The following PCSK2 variants were observed in gnomAD, a reference collection of about 807,000 sequenced individuals.
PCSK2 encodes proprotein convertase subtilisin/kexin type 2.
Under a neutral mutation model 69.7 loss-of-function variants are expected in PCSK2, and 14 were observed. The observed-to-expected ratio is 0.20, with a 90% CI of 0.13 to 0.31. The LOEUF (loss-of-function observed/expected upper bound fraction) is 0.31, where lower values mean the gene tolerates loss of function less well. PCSK2 is among the 10% of genes least tolerant of loss of function. PCSK2 has a pLI of 1.00. For synonymous variants in PCSK2, 307 were observed against 320.7 expected, an observed-to-expected ratio of 0.96 and a Z score of 0.46; for missense variants, 544 against 842.5, an observed-to-expected ratio of 0.65 and a Z score of 4.39.
intron 2 of PCSK2, among the ~76,000 whole-genome samples, chr20:17,270,826 C>T (rs1250305231): frequency 6.6e-6 from 1 of 152,028 alleles, no homozygotes; most frequent in Non-Finnish European, 1.5e-5. Context: ...TGATAGAGTC[C>T]AATTTGAGGT....
intron 1 of PCSK2, among the ~76,000 whole-genome samples, chr20:17,251,787 T>C (rs1986990561): frequency 6.6e-6 from 1 of 152,162 alleles, no homozygotes; most frequent in Non-Finnish European, 1.5e-5. Context: ...ACAGTGGAAA[T>C]GGCTTGTCTG....
intron 1 of PCSK2, among the ~76,000 whole-genome samples, chr20:17,255,446 A>G (rs1471183551): frequency 6.6e-6 from 1 of 151,226 alleles, no homozygotes; most frequent in African/African-American, 2.4e-5. Context: ...GGTTCATGCC[A>G]TTCTCCTGCC....
intron 6 of PCSK2, among the ~76,000 whole-genome samples, chr20:17,420,920 C>T (rs1014720829): frequency 1.3e-5 from 2 of 152,188 alleles, no homozygotes; most frequent in Non-Finnish European, 2.9e-5. Context: ...CCCTAACCGA[C>T]AACCAATAGA....
intron 6 of PCSK2, among the ~76,000 whole-genome samples, chr20:17,427,063 C>T (rs895794675): frequency 1.3e-5 from 2 of 152,172 alleles, no homozygotes; most frequent in African/African-American, 4.8e-5. Flanking sequence ...AATTCTTGTC[C>T]TGCCTCCTAT....
intron 5 of PCSK2, among the ~76,000 whole-genome samples, chr20:17,373,941 G>A (rs936054471): frequency 1.3e-5 from 2 of 152,144 alleles, no homozygotes; most frequent in Non-Finnish European, 1.5e-5. Flanking sequence ...GAATTTCATC[G>A]GAGGGATCCA....
chr20:17,333,074 G>T (rs1990245583), intron 2 of PCSK2, among the ~76,000 whole-genome samples: 1 of 151,994 alleles, frequency 6.6e-6, no homozygotes, highest in Non-Finnish European at 1.5e-5. Flanking sequence ...ATTTCCCAAT[G>T]TTCACAACTG....
At chr20:17,282,177 G>A (rs1475062512) in intron 2 of PCSK2, among the ~76,000 whole-genome samples, 1 of 151,982 alleles carries the variant, frequency 6.6e-6, no homozygotes, top group Non-Finnish European at 1.5e-5. Flanking sequence ...ATGGATTTAT[G>A]TTTATATAGC....
intron 3 of PCSK2, among the ~76,000 whole-genome samples, chr20:17,358,942 A>G (rs900797776): frequency 6.6e-6 from 1 of 152,198 alleles, no homozygotes; most frequent in Non-Finnish European, 1.5e-5. Context: ...AATCAATTCC[A>G]TGGGGCTTAA....
At chr20:17,446,220 C>T (rs1452551797) in intron 8 of PCSK2, among the ~76,000 whole-genome samples, 2 of 152,136 alleles carry the variant, frequency 1.3e-5, no homozygotes, top group African/African-American at 2.4e-5. Context: ...GGTGGTTACA[C>T]GAAAACCAGA....
At position 17,234,427 on chromosome 20, in the gene PCSK2, T is replaced by G. The variant is rs1986256799; in HGVS notation, c.177+6945T>G. Among the ~76,000 whole-genome samples the G allele has an allele frequency of 2.0e-5, 3 of 152,290 alleles. No homozygotes were observed. In the South Asian group the frequency reaches 6.2e-4, roughly 32 times the overall value. Reference sequence around the variant, plus strand: ...CTCAGGTTGAAGGTGCTGGAAAAACTATTTTTTAAGAAACTGTTCCTGTAG... The same window carrying G: ...CTCAGGTTGAAGGTGCTGGAAAAACGATTTTTTAAGAAACTGTTCCTGTAG... On this transcript the variant is annotated intron_variant, in intron 1 of 11. Transcript: ENST00000262545.
intron 1 of PCSK2, among the ~76,000 whole-genome samples, chr20:17,236,126 G>A (rs1171208530): frequency 6.6e-6 from 1 of 152,042 alleles, no homozygotes; most frequent in Non-Finnish European, 1.5e-5. Flanking sequence ...TATGTATAGA[G>A]AGAAGAGAGA....
intron 11 of PCSK2, among the ~76,000 whole-genome samples, chr20:17,480,668 A>T (rs1460137365): frequency 6.6e-6 from 1 of 152,228 alleles, no homozygotes; most frequent in Non-Finnish European, 1.5e-5. Flanking sequence ...CCCAGGTAAC[A>T]CAAGTGAGGA....
chr20:17,455,383 G>A (rs2032901184), intron 9 of PCSK2, among the ~76,000 whole-genome samples: 2 of 152,088 alleles, frequency 1.3e-5, no homozygotes, highest in African/African-American at 4.8e-5. Flanking sequence ...TGAAAATGAG[G>A]TTTTTCACTT....
At chr20:17,401,394 T>A (rs941458237) in intron 5 of PCSK2, among the ~76,000 whole-genome samples, 1 of 152,100 alleles carries the variant, frequency 6.6e-6, no homozygotes, top group Admixed American at 6.5e-5. Flanking sequence ...ATAGTGGAAA[T>A]GTTAAACAGG....
At chr20:17,480,184 C>CTTTTT (rs1164266992) in intron 11 of PCSK2, among the ~76,000 whole-genome samples, 840 of 76,826 alleles carry the variant, frequency 0.011, no homozygotes, top group Non-Finnish European at 0.014. Flanking sequence ...TTCAGCTTTT[C>CTTTTT]TTTTTTTTTT....
At chr20:17,329,005 G>T (rs1600496207) in intron 2 of PCSK2, among the ~76,000 whole-genome samples, 2 of 152,288 alleles carry the variant, frequency 1.3e-5, no homozygotes, top group Admixed American at 1.3e-4. Flanking sequence ...TTCAGAACGT[G>T]GTTGCTATTT....
At chr20:17,251,850 A>G (rs1209225931) in intron 1 of PCSK2, among the ~76,000 whole-genome samples, 1 of 152,196 alleles carries the variant, frequency 6.6e-6, no homozygotes, top group Non-Finnish European at 1.5e-5. Context: ...CTAGAGGATG[A>G]CTGGTATGGC....
chr20:17,279,655 T>C (rs1250430266), intron 2 of PCSK2, among the ~76,000 whole-genome samples: 2 of 152,040 alleles, frequency 1.3e-5, no homozygotes, highest in Admixed American at 6.5e-5. Context: ...GGCATAGTGG[T>C]GCATGCCTGT....
intron 5 of PCSK2, among the ~76,000 whole-genome samples, chr20:17,387,782 T>C (rs1157149803): frequency 6.6e-6 from 1 of 152,166 alleles, no homozygotes; most frequent in Non-Finnish European, 1.5e-5. Flanking sequence ...CGGGGACAAG[T>C]GGCTGAATAG....
Sources: allele counts gnomAD v4.1 joint callset (sites outside exome capture counted in the v4.1 genomes callset), GRCh38; gene constraint gnomAD v4.1.1; transcripts MANE v1.5; gene names NCBI Gene and HGNC (gene_info 2026-07-23, HGNC 2026-07-21).